The following RORA variants were observed in gnomAD, a reference collection of about 807,000 sequenced individuals.
The protein encoded by RORA is nuclear receptor ROR-alpha.
Under a neutral mutation model 69.5 loss-of-function variants are expected in RORA, and 7 were observed. The observed-to-expected ratio is 0.10, with a 90% CI of 0.06 to 0.19. The LOEUF (loss-of-function observed/expected upper bound fraction) is 0.19, where lower values mean the gene tolerates loss of function less well. RORA is among the 10% of genes least tolerant of loss of function. The pLI is 1.00. For missense variants in RORA, 457 were observed against 663.0 expected (o/e 0.69, Z 3.41); for synonymous variants, 261 against 240.8 (o/e 1.08, Z -0.78).
intron 1 of RORA, among the ~76,000 whole-genome samples, chr15:60,951,875 G>A (rs1893109822): frequency 6.6e-6 from 1 of 150,992 alleles, no homozygotes; most frequent in African/African-American, 2.4e-5. Flanking sequence ...GGAGGAACTG[G>A]TACCATTCCT....
At chr15:61,006,429 A>C (rs1894917396) in intron 1 of RORA, among the ~76,000 whole-genome samples, 1 of 152,198 alleles carries the variant, frequency 6.6e-6, no homozygotes, top group South Asian at 2.1e-4. Flanking sequence ...AGGTGTCAAG[A>C]AGAGGGAGAA....
intron 2 of RORA, among the ~76,000 whole-genome samples, chr15:60,572,199 G>A (rs1258864916): frequency 6.6e-6 from 1 of 152,234 alleles, no homozygotes; most frequent in Non-Finnish European, 1.5e-5. Context: ...AAGCAGGTCA[G>A]TGAGTGGCTT....
intron 2 of RORA, among the ~76,000 whole-genome samples, chr15:60,635,499 C>T (rs894368143): frequency 6.6e-6 from 1 of 152,128 alleles, no homozygotes; most frequent in Non-Finnish European, 1.5e-5. Flanking sequence ...AAGTTGTCAT[C>T]TTTATTAAGG....
At chr15:61,111,612 T>C (rs1406564530) in intron 1 of RORA, among the ~76,000 whole-genome samples, 2 of 152,240 alleles carry the variant, frequency 1.3e-5, no homozygotes, top group Non-Finnish European at 2.9e-5. Context: ...ATGGGTTCTC[T>C]TAAGATTCTC....
intron 1 of RORA, among the ~76,000 whole-genome samples, chr15:61,190,738 ACT>A (rs751784327): frequency 4.6e-5 from 7 of 151,946 alleles, no homozygotes; most frequent in Non-Finnish European, 7.4e-5. Flanking sequence ...ACAGAGTAAG[ACT>A]CTGTCTCAAA....
intron 2 of RORA, among the ~76,000 whole-genome samples, chr15:60,542,781 G>C (rs192767318): frequency 3.0e-3 from 459 of 151,760 alleles, no homozygotes; most frequent in African/African-American, 0.011. Context: ...CTATTCAGCT[G>C]CAAGTCCTGC....
At chr15:61,028,176 C>T (rs1895930850) in intron 1 of RORA, among the ~76,000 whole-genome samples, 2 of 152,148 alleles carry the variant, frequency 1.3e-5, no homozygotes, top group African/African-American at 4.8e-5. Context: ...TCTGCTTTTG[C>T]CCATCATGGT....
At chr15:61,096,499 T>G (rs1174276303) in intron 1 of RORA, among the ~76,000 whole-genome samples, 1 of 152,186 alleles carries the variant, frequency 6.6e-6, no homozygotes, top group Non-Finnish European at 1.5e-5. Context: ...CATACATATT[T>G]TAATACCATA....
At chr15:60,600,883 G>A (rs1366435487) in intron 2 of RORA, 1 of 152,128 alleles carries the variant, frequency 6.6e-6, no homozygotes, top group Non-Finnish European at 1.5e-5. Context: ...GGAACTTCCT[G>A]TGTGGCAAGC....
intron 1 of RORA, among the ~76,000 whole-genome samples, chr15:60,798,995 C>T (rs1002061998): frequency 1.3e-5 from 2 of 150,432 alleles, no homozygotes; most frequent in African/African-American, 4.9e-5. Flanking sequence ...ATTATTCATG[C>T]TCACAATGAG....
intron 1 of RORA, among the ~76,000 whole-genome samples, chr15:60,988,648 G>C (rs1022436802): frequency 6.6e-6 from 1 of 152,164 alleles, no homozygotes; most frequent in African/African-American, 2.4e-5. Flanking sequence ...CCTAGATGAA[G>C]TGCTCCAAAC....
chr15:61,194,574 C>T (rs1474332313), intron 1 of RORA, among the ~76,000 whole-genome samples: 2 of 150,844 alleles, frequency 1.3e-5, no homozygotes, highest in East Asian at 3.9e-4. Context: ...CACTTCCTCA[C>T]TTCGACCATA....
intron 1 of RORA, among the ~76,000 whole-genome samples, chr15:60,832,235 C>G (rs577586866): frequency 1.3e-5 from 2 of 152,230 alleles, no homozygotes; most frequent in South Asian, 4.1e-4. Flanking sequence ...AGGTGGGGCC[C>G]TAGAATGAGG....
chr15:60,971,350 A>G (rs1254834098), intron 1 of RORA, among the ~76,000 whole-genome samples: 2 of 152,118 alleles, frequency 1.3e-5, no homozygotes, highest in Non-Finnish European at 2.9e-5. Flanking sequence ...TTCCTCTCTC[A>G]TGGGTCCTTG....
At chr15:60,557,488 G>A (rs1017748680) in intron 2 of RORA, among the ~76,000 whole-genome samples, 2 of 152,198 alleles carry the variant, frequency 1.3e-5, no homozygotes, top group Admixed American at 1.3e-4. Flanking sequence ...TATGTAATGA[G>A]ATACAAGCTC....
At chr15:60,705,046 C>T (rs929773700) in intron 1 of RORA, among the ~76,000 whole-genome samples, 10 of 151,846 alleles carry the variant, frequency 6.6e-5, no homozygotes, top group African/African-American at 1.5e-4. Context: ...TCTGAGTTTT[C>T]GTCTCGAAAA....
intron 2 of RORA, among the ~76,000 whole-genome samples, chr15:60,641,734 A>G (rs986719166): frequency 3.3e-5 from 5 of 152,334 alleles, no homozygotes; most frequent in Middle Eastern, 3.4e-3. Flanking sequence ...TAAAGATTCT[A>G]TGATTCCTTG....
At chr15:61,092,057 T>C (rs1416610995) in intron 1 of RORA, among the ~76,000 whole-genome samples, 2 of 152,196 alleles carry the variant, frequency 1.3e-5, no homozygotes, top group Non-Finnish European at 2.9e-5. Context: ...TATGCAATAA[T>C]GGAAAAGCCA....
intron 1 of RORA, among the ~76,000 whole-genome samples, chr15:60,796,960 C>G (rs1184931328): frequency 6.7e-6 from 1 of 150,156 alleles, no homozygotes; most frequent in African/African-American, 2.4e-5. Context: ...ATATATTATT[C>G]CATTTATACA....
Sources: gnomAD v4.1 joint callset for allele counts (sites outside exome capture counted in the v4.1 genomes callset) on GRCh38, gnomAD v4.1.1 for gene constraint, MANE v1.5 for transcripts, NCBI Gene and HGNC (gene_info 2026-07-23, HGNC 2026-07-21) for gene names.